FIG4: variants seen among roughly 807,000 people sequenced by gnomAD.
FIG4 encodes FIG4 phosphoinositide 5-phosphatase, also known as polyphosphoinositide phosphatase.
A neutral mutation model predicts 118.6 loss-of-function variants in FIG4; 112 were observed. The ratio of observed to expected loss-of-function variants is 0.94; its 90% CI spans 0.81 to 1.11. FIG4 has a LOEUF of 1.11. Ranked by LOEUF, FIG4 falls within the 50% of genes least tolerant of loss-of-function variation. The pLI is 0.00. For missense variants in FIG4, 969 were observed against 1,111.7 expected, an observed-to-expected ratio of 0.87 and a Z score of 1.83; for synonymous variants, 369 against 381.2, an observed-to-expected ratio of 0.97 and a Z score of 0.37.
chr6:109,825,272 C>T lies in FIG4; in HGVS notation c.*7C>T, dbSNP rs113946190. The T allele has an allele frequency of 6.4e-3, 10,321 of 1,613,152 alleles. 475 individuals are homozygous for T. In the East Asian group the frequency reaches 0.14, roughly 21 times the overall value. On this transcript the variant is annotated 3_prime_UTR_variant, in exon 23 of 23. Transcript: ENST00000230124. The stretch of plus-strand genomic sequence containing the variant: ...CAGGAACCGCTACCTGTGAAAAGAG[C>T]GCAGGTCCACCTGGTGGACACGTCT...
chr6:109,789,852 T>C (rs1778089111), intron 19 of FIG4, among the ~76,000 whole-genome samples, 175 bp downstream of exon 19: 1 of 152,222 alleles, frequency 6.6e-6, no homozygotes, highest in African/African-American at 2.4e-5. Context: ...AGCAATACAG[T>C]GCATTTTATT....
At chr6:109,772,671 T>C (rs1040388431) in intron 15 of FIG4, among the ~76,000 whole-genome samples, 1 of 152,178 alleles carries the variant, frequency 6.6e-6, no homozygotes, top group Non-Finnish European at 1.5e-5. Context: ...CAGGCTGGTC[T>C]TGAACTCCCG....
intron 2 of FIG4, 97 bp from the exon 3 acceptor site, chr6:109,716,348 G>A: frequency 1.6e-6 from 2 of 1,236,732 alleles, no homozygotes; most frequent in African/African-American, 3.0e-5. Flanking sequence ...TGAAATAGCT[G>A]ATGATGCTTG....
intron 10 of FIG4, 70 bp downstream of exon 10, chr6:109,743,842 G>T (rs1162495193): frequency 1.2e-5 from 13 of 1,054,926 alleles, no homozygotes; most frequent in Middle Eastern, 2.0e-4. Flanking sequence ...AACACAGAGG[G>T]GGTTAACAAG....
chr6:109,815,687 TTG>T (rs1562699181), intron 22 of FIG4, among the ~76,000 whole-genome samples: 1 of 151,964 alleles, frequency 6.6e-6, no homozygotes, highest in Non-Finnish European at 1.5e-5. Context: ...GAAAGGGACA[TTG>T]TGCTCCCCAA....
chr6:109,792,449 A>G, intron 20 of FIG4, 133 bp from the exon 21 acceptor site: 4 of 633,812 alleles, frequency 6.3e-6, no homozygotes, highest in Non-Finnish European at 1.1e-5. Flanking sequence ...TAAGAAGTTT[A>G]ATGAACAGGT....
chr6:109,786,460 T>C lies in FIG4; in HGVS notation c.2096+11T>C. 1.2e-6 allele frequency: 2 copies of C among 1,613,490 alleles called. No homozygotes were observed. Among genetic ancestry groups the C allele is most frequent in the Admixed American group, 3.3e-5 (2 of 60,012 alleles). On this transcript the variant is annotated intron_variant, in intron 18 of 22. Coordinates refer to ENST00000230124, the MANE Select transcript of FIG4 (RefSeq NM_014845.6). ...GACAAGCTCAGCACGGTATGTTGTGTGTATTCTGATACCATAAGTATTTGA... is the reference window on the plus strand; with the variant it reads ...GACAAGCTCAGCACGGTATGTTGTGCGTATTCTGATACCATAAGTATTTGA...
intron 16 of FIG4, among the ~76,000 whole-genome samples, chr6:109,778,871 T>A (rs562461172): frequency 6.6e-6 from 1 of 152,198 alleles, no homozygotes; most frequent in Non-Finnish European, 1.5e-5. Flanking sequence ...AGTGCTGGGA[T>A]TACAGGCGTG....
chr6:109,764,540 A>C (rs555506821), intron 13 of FIG4, among the ~76,000 whole-genome samples: 26 of 152,332 alleles, frequency 1.7e-4, no homozygotes, highest in African/African-American at 6.3e-4. Flanking sequence ...AACACAAACA[A>C]GAACATGAAA....
intron 16 of FIG4, among the ~76,000 whole-genome samples, chr6:109,780,197 A>G (rs543068719): frequency 2.2e-4 from 33 of 152,200 alleles, no homozygotes; most frequent in Admixed American, 1.3e-4. Flanking sequence ...AGCAAATACA[A>G]TAGGTGTTAG....
chr6:109,753,910 T>G (rs1450754169), intron 10 of FIG4, among the ~76,000 whole-genome samples: 3 of 152,210 alleles, frequency 2.0e-5, no homozygotes, highest in Non-Finnish European at 2.9e-5. Context: ...CTTCCTCTTT[T>G]CCGAATTGAA....
At chr6:109,806,268 A>AT (rs1159408830) in intron 22 of FIG4, among the ~76,000 whole-genome samples, 3 of 152,072 alleles carry the variant, frequency 2.0e-5, no homozygotes, top group Non-Finnish European at 4.4e-5. Flanking sequence ...CTTTAATTTT[A>AT]TTTTTGTTTA....
intron 3 of FIG4, among the ~76,000 whole-genome samples, chr6:109,724,442 G>T (rs1775723654): frequency 6.6e-6 from 1 of 152,242 alleles, no homozygotes. Flanking sequence ...TTGTGCCTTG[G>T]CATATGAAAC....
chr6:109,804,236 G>A (rs958305215), intron 22 of FIG4, among the ~76,000 whole-genome samples: 1 of 152,126 alleles, frequency 6.6e-6, no homozygotes, highest in African/African-American at 2.4e-5. Context: ...ACATTTTTTA[G>A]TGGTTTAACC....
At chr6:109,787,210 G>C (rs547343033) in intron 18 of FIG4, among the ~76,000 whole-genome samples, 1 of 152,014 alleles carries the variant, frequency 6.6e-6, no homozygotes, top group South Asian at 2.1e-4. Context: ...AAAACGCTGG[G>C]ACCAGAATAA....
At chr6:109,760,421 T>G in intron 11 of FIG4, 38 bp downstream of exon 11, 1 of 1,579,662 alleles carries the variant, frequency 6.3e-7, no homozygotes, top group South Asian at 1.1e-5. Context: ...GATCGTTTCC[T>G]TTTCTTGTGA....
chr6:109,694,308 G>T (rs1457017045), intron 1 of FIG4, among the ~76,000 whole-genome samples: 1 of 152,194 alleles, frequency 6.6e-6, no homozygotes, highest in Non-Finnish European at 1.5e-5. Flanking sequence ...GGCATAAGGT[G>T]TGGTGCAGGT....
intron 1 of FIG4, chr6:109,701,614 G>T: frequency 2.2e-6 from 1 of 447,092 alleles, no homozygotes. Flanking sequence ...ACTTGTTCAA[G>T]ATTGTTAGCA....
Position 109,780,344 on chromosome 6 carries a change from C to G in FIG4, c.1889+3284C>G, listed in dbSNP as rs560791578. Among the ~76,000 whole-genome samples the G allele has an allele frequency of 3.3e-5, 5 of 152,274 alleles. No individual in the cohort carries two copies. The South Asian group carries it at 8.3e-4, about 25-fold the overall frequency. ...CTTTTCACCTTAGCCTTCCAAGTAGCTAGGACCACAGGTGGACACCACCAC... is the reference window on the plus strand; with the variant it reads ...CTTTTCACCTTAGCCTTCCAAGTAGGTAGGACCACAGGTGGACACCACCAC... On this transcript the variant is annotated intron_variant, in intron 16 of 22. Transcript: ENST00000230124.
Sources: gnomAD v4.1 joint callset for allele counts (sites outside exome capture counted in the v4.1 genomes callset) on GRCh38, gnomAD v4.1.1 for gene constraint, MANE v1.5 for transcripts, NCBI Gene and HGNC (gene_info 2026-07-23, HGNC 2026-07-21) for gene names.